The following ROBO2 variants were observed in gnomAD, a reference collection of about 807,000 sequenced individuals.
The protein encoded by ROBO2 is roundabout homolog 2.
Under a neutral mutation model 160.8 loss-of-function variants are expected in ROBO2, and 53 were observed. The ratio of observed to expected loss-of-function variants is 0.33; its 90% confidence interval spans 0.26 to 0.41. The LOEUF (loss-of-function observed/expected upper bound fraction) is 0.41. Among genes scored for constraint, ROBO2 ranks in the 10% least tolerant of loss-of-function variants. The pLI, the probability that ROBO2 is intolerant of heterozygous loss-of-function variation, is 1.00. For synonymous variants in ROBO2, 664 were observed against 611.7 expected, an observed-to-expected ratio of 1.09 and a Z score of -1.26; for missense variants, 1,577 against 1,722.4, an observed-to-expected ratio of 0.92 and a Z score of 1.49.
intron 2 of ROBO2, among the ~76,000 whole-genome samples, chr3:76,249,400 A>G (rs980176664): frequency 1.3e-5 from 2 of 152,150 alleles, no homozygotes; most frequent in African/African-American, 4.8e-5. Context: ...TAAAGATTTT[A>G]AATAAGAGAA....
intron 2 of ROBO2, among the ~76,000 whole-genome samples, chr3:77,191,585 G>A (rs2081858441): frequency 2.0e-5 from 2 of 99,178 alleles, no homozygotes; most frequent in South Asian, 6.4e-4. Flanking sequence ...TTTTTTAAAC[G>A]TGGATATTGC....
chr3:76,658,910 T>C (rs1304339637), intron 2 of ROBO2, among the ~76,000 whole-genome samples: 1 of 152,200 alleles, frequency 6.6e-6, no homozygotes, highest in East Asian at 1.9e-4. Context: ...TAGTTTATTT[T>C]ATTTAAGTTA....
chr3:76,685,474 A>G (rs912283968), intron 2 of ROBO2, among the ~76,000 whole-genome samples: 2 of 151,906 alleles, frequency 1.3e-5, no homozygotes, highest in African/African-American at 4.8e-5. Flanking sequence ...TATGAAAAGT[A>G]AGAACAAACA....
chr3:76,492,457 A>C (rs902102382), intron 2 of ROBO2, among the ~76,000 whole-genome samples: 6 of 152,064 alleles, frequency 3.9e-5, no homozygotes, highest in African/African-American at 1.2e-4. Context: ...TGTGAAGGTC[A>C]TCCTTCACTT....
chr3:76,436,458 G>T (rs1249058329), intron 2 of ROBO2, among the ~76,000 whole-genome samples: 1 of 152,144 alleles, frequency 6.6e-6, no homozygotes, highest in Non-Finnish European at 1.5e-5. Flanking sequence ...ACTGCAGGCT[G>T]GTTTTAGGTC....
At chr3:75,996,748 T>C (rs1257978829) in intron 2 of ROBO2, among the ~76,000 whole-genome samples, 1 of 83,758 alleles carries the variant, frequency 1.2e-5, no homozygotes, top group African/African-American at 3.4e-5. Flanking sequence ...TCATCAATTC[T>C]GATATATGTA....
chr3:76,194,598 T>G (rs1254536983), intron 2 of ROBO2, among the ~76,000 whole-genome samples: 4 of 151,720 alleles, frequency 2.6e-5, no homozygotes, highest in Admixed American at 6.6e-5. Flanking sequence ...GGACTGTAGA[T>G]CTAATCAATA....
chr3:77,065,903 C>T (rs774747331), intron 1 of ROBO2, among the ~76,000 whole-genome samples: 4 of 152,150 alleles, frequency 2.6e-5, no homozygotes, highest in Middle Eastern at 6.8e-3. Context: ...TAGTCCATAT[C>T]GCAAAATCAA....
chr3:77,148,047 C>T (rs569952730), intron 2 of ROBO2, among the ~76,000 whole-genome samples: 1 of 152,274 alleles, frequency 6.6e-6, no homozygotes, highest in South Asian at 2.1e-4. Context: ...ATCTGCAGGT[C>T]CTTGCATGAC....
intron 2 of ROBO2, among the ~76,000 whole-genome samples, chr3:76,663,013 AG>A (rs749180528): frequency 1.3e-5 from 2 of 152,208 alleles, no homozygotes; most frequent in Non-Finnish European, 2.9e-5. Flanking sequence ...TGGAGGTCTT[AG>A]AGGAAGTGGA....
Position 76,919,868 on chromosome 3 carries a change from T to C in ROBO2, c.110-178146T>C, listed in dbSNP as rs2076554231. On this transcript the variant is annotated intron_variant, in intron 2 of 26. Transcript: ENST00000487694. Reference sequence around the variant, plus strand: ...TCATGTGTAAACTTTTATTTTGTAATAATTTACTGACAAAGCTTACTGTCT... The same window carrying C: ...TCATGTGTAAACTTTTATTTTGTAACAATTTACTGACAAAGCTTACTGTCT... 1.3e-5 allele frequency among the ~76,000 whole-genome samples: 2 copies of C among 152,208 alleles called. 1 individual carries two copies. Among genetic ancestry groups the C allele is most frequent in the South Asian group, 4.1e-4 (2 of 4,838 alleles).
At chr3:77,181,686 AAC>A (rs2080800098) in intron 2 of ROBO2, among the ~76,000 whole-genome samples, 1 of 152,098 alleles carries the variant, frequency 6.6e-6, no homozygotes, top group Non-Finnish European at 1.5e-5. Context: ...TGAATACTGT[AAC>A]TAAAAGAAAA....
intron 2 of ROBO2, among the ~76,000 whole-genome samples, chr3:77,258,774 T>G (rs2153326246): frequency 6.6e-6 from 1 of 152,332 alleles, no homozygotes; most frequent in Admixed American, 6.5e-5. Flanking sequence ...ATGAATAAGC[T>G]AAATATCTCT....
intron 21 of ROBO2, among the ~76,000 whole-genome samples, chr3:77,617,264 G>A (rs894447086): frequency 6.6e-6 from 1 of 152,054 alleles, no homozygotes; most frequent in Non-Finnish European, 1.5e-5. Flanking sequence ...TTGTAACTGT[G>A]GGGTAACAAT....
chr3:75,910,299 A>T (rs529214827), intron 1 of ROBO2, among the ~76,000 whole-genome samples: 1 of 152,310 alleles, frequency 6.6e-6, no homozygotes, highest in East Asian at 1.9e-4. Context: ...AACTCTTGCT[A>T]AAGGAGTGTC....
rs552572481 is a variant in ROBO2 at position 77,305,491 on chromosome 3, A to T, written c.389-171923A>T. Among the ~76,000 whole-genome samples, 3 of 152,304 alleles carry T rather than the reference A, an allele frequency of 2.0e-5. No homozygotes were observed. In the East Asian group the frequency reaches 5.8e-4, roughly 29 times the overall value. The stretch of plus-strand genomic sequence containing the variant: ...GGATGGTGTTCTCAGGTGGGATGTA[A>T]AAAGGACAGAAGGATACAGTCTATG... On this transcript the variant is annotated intron_variant, in intron 2 of 25. Transcript: ENST00000461745.
chr3:77,530,831 C>T (rs1275277426), intron 6 of ROBO2, among the ~76,000 whole-genome samples: 1 of 151,944 alleles, frequency 6.6e-6, no homozygotes, highest in African/African-American at 2.4e-5. Flanking sequence ...CTGAAATATT[C>T]ATTTGTTTAT....
intron 2 of ROBO2, among the ~76,000 whole-genome samples, chr3:76,328,040 A>G (rs1477790999): frequency 2.0e-5 from 3 of 152,314 alleles, no homozygotes; most frequent in Non-Finnish European, 2.9e-5. Flanking sequence ...GAAACCAGAA[A>G]GAAGAGAAAG....
chr3:76,064,295 T>C (rs2068171103), intron 2 of ROBO2, among the ~76,000 whole-genome samples: 1 of 152,142 alleles, frequency 6.6e-6, no homozygotes, highest in South Asian at 2.1e-4. Context: ...AACTGACACA[T>C]ATTATGAAGG....
Sources: allele counts gnomAD v4.1 joint callset (sites outside exome capture counted in the v4.1 genomes callset), GRCh38; gene constraint gnomAD v4.1.1; transcripts MANE v1.5; gene names NCBI Gene and HGNC (gene_info 2026-07-23, HGNC 2026-07-21).